MTNR1A: variants seen among roughly 807,000 people sequenced by gnomAD.
MTNR1A encodes melatonin receptor type 1A.
MTNR1A carries 7 observed loss-of-function variants against 5.5 expected under a neutral mutation model. That is an observed-to-expected ratio of 1.28 (90% CI 0.73 to 2.40). The LOEUF (loss-of-function observed/expected upper bound fraction) is 2.40. Among genes scored for constraint, MTNR1A ranks in the 30% most tolerant of loss-of-function variants. The pLI, the probability that MTNR1A is intolerant of heterozygous loss-of-function variation, is 0.00. For missense variants in MTNR1A, 441 were observed against 464.4 expected, an observed-to-expected ratio of 0.95 and a Z score of 0.46; for synonymous variants, 196 against 202.7, an observed-to-expected ratio of 0.97 and a Z score of 0.28.
At chr4:186,554,695 A>G (rs1234045823) in intron 1 of MTNR1A, among the ~76,000 whole-genome samples, 2 of 152,192 alleles carry the variant, frequency 1.3e-5, no homozygotes, top group Non-Finnish European at 2.9e-5. Flanking sequence ...CACGTTTGGG[A>G]GCCTCTCTTT....
intron 1 of MTNR1A, among the ~76,000 whole-genome samples, chr4:186,545,747 G>C (rs561514798): frequency 1.3e-5 from 2 of 152,040 alleles, no homozygotes; most frequent in African/African-American, 4.8e-5. Context: ...GCATCACGAA[G>C]ACCAGTAATA....
rs1196616883 is a variant in MTNR1A, at chr4:186,534,677, G to A, written c.185-120C>T. On this transcript the variant is annotated intron_variant, in intron 1 of 1. Coordinates refer to ENST00000307161, the MANE Select transcript of MTNR1A (RefSeq NM_005958.4). ...ATGACCTGACGTCACAGCGGCGGCC[G>A]CACTGCAAATGAAGTGGAGGCCGTT... 4.9e-6 allele frequency: 6 copies of A among 1,234,792 alleles called. No homozygotes were observed. The East Asian group carries it at 1.2e-4, about 25-fold the overall frequency. The allele number at this position is 1,234,792 out of a possible 1,614,324, so 76.5% of individuals were successfully genotyped here. A position where few individuals can be genotyped will look rare whatever the true frequency, so the allele number is the denominator to read the frequency against.
intron 1 of MTNR1A, among the ~76,000 whole-genome samples, chr4:186,548,810 GATATATATATATATATATAT>G (rs71595106): frequency 1.3e-4 from 7 of 54,592 alleles, no homozygotes; most frequent in Non-Finnish European, 2.0e-4. Context: ...AATCTATAAA[GATATATATATATATATATAT>G]ATATATATAT....
chr4:186,543,953 A>G (rs62350391), intron 1 of MTNR1A, among the ~76,000 whole-genome samples: 3,495 of 152,284 alleles, frequency 0.023, 55 homozygotes, highest in East Asian at 0.063. Context: ...GGATAGCCTC[A>G]CCCACAAAAG....
chr4:186,551,478 G>C (rs750576992), intron 1 of MTNR1A, among the ~76,000 whole-genome samples: 1 of 151,772 alleles, frequency 6.6e-6, no homozygotes, highest in African/African-American at 2.4e-5. Context: ...CACCAGATGC[G>C]TACTAGCATT....
chr4:186,548,810 G>GATATATATATATATATATAT (rs71595106), intron 1 of MTNR1A, among the ~76,000 whole-genome samples: 1 of 54,592 alleles, frequency 1.8e-5, no homozygotes, highest in African/African-American at 6.4e-5. Flanking sequence ...AATCTATAAA[G>GATATATATATATATATATAT]ATATATATAT....
intron 1 of MTNR1A, among the ~76,000 whole-genome samples, chr4:186,539,461 T>C (rs1036925016): frequency 4.6e-5 from 7 of 152,186 alleles, no homozygotes; most frequent in African/African-American, 1.7e-4. Flanking sequence ...GGTCTAAATG[T>C]GTCTCCCCCA....
At chr4:186,550,665 C>A (rs1270656890) in intron 1 of MTNR1A, among the ~76,000 whole-genome samples, 1 of 152,006 alleles carries the variant, frequency 6.6e-6, no homozygotes, top group Non-Finnish European at 1.5e-5. Context: ...CCCAAAATTG[C>A]CAAGAGAAAA....
At chr4:186,551,022 T>C (rs756671021) in intron 1 of MTNR1A, among the ~76,000 whole-genome samples, 12 of 152,218 alleles carry the variant, frequency 7.9e-5, no homozygotes, top group Non-Finnish European at 1.3e-4. Flanking sequence ...TTTCAAATAT[T>C]GTGGAAAGCA....
chr4:186,540,650 G>T (rs1736994433), intron 1 of MTNR1A, among the ~76,000 whole-genome samples: 1 of 152,058 alleles, frequency 6.6e-6, no homozygotes, highest in Non-Finnish European at 1.5e-5. Context: ...ACCAGGTGCT[G>T]TCTGTCTGAA....
intron 1 of MTNR1A, among the ~76,000 whole-genome samples, chr4:186,540,434 G>C (rs1285972204): frequency 1.3e-5 from 2 of 152,252 alleles, no homozygotes; most frequent in Non-Finnish European, 2.9e-5. Flanking sequence ...TTAATAGGAA[G>C]GCTGTAAGGA....
chr4:186,538,009 T>C (rs1389215179), intron 1 of MTNR1A, among the ~76,000 whole-genome samples: 1 of 152,236 alleles, frequency 6.6e-6, no homozygotes, highest in Non-Finnish European at 1.5e-5. Context: ...AAGTGAAATA[T>C]GGCACAGATA....
Position 186,555,398 on chromosome 4 carries a change from C to T in MTNR1A, c.-33G>A. 1.5e-6 allele frequency: 2 copies of T among 1,364,318 alleles called. No individual in the cohort carries two copies. The highest frequency in any genetic ancestry group is 3.5e-5 in the Admixed American group (1 of 28,482). 84.5% of individuals were successfully genotyped at this position (1,364,318 alleles called of 1,614,324 possible). A position where few individuals can be genotyped will look rare whatever the true frequency, so the allele number is the denominator to read the frequency against. On this transcript the variant is annotated 5_prime_UTR_variant, in exon 1 of 2. Coordinates refer to ENST00000307161, the MANE Select transcript of MTNR1A (RefSeq NM_005958.4). This position sits in a 1 kb window ranked among gnomAD's most constrained non-coding sequence, Gnocchi z 4.1. ...GTGCGCGTCCCGGCCGCGGGGCCAT[C>T]GCCCGCCTCGTCCGCCCGCCCGACC...
chr4:186,538,782 C>G (rs1736937602), intron 1 of MTNR1A, among the ~76,000 whole-genome samples: 1 of 152,170 alleles, frequency 6.6e-6, no homozygotes, highest in East Asian at 1.9e-4. Context: ...CCAAGGAGAA[C>G]CTTCAGGATG....
intron 1 of MTNR1A, among the ~76,000 whole-genome samples, chr4:186,537,663 C>A (rs1736891669): frequency 6.6e-6 from 1 of 152,162 alleles, no homozygotes; most frequent in Non-Finnish European, 1.5e-5. Flanking sequence ...TGGATGAAGT[C>A]GTACGACTAC....
chr4:186,542,239 A>G (rs114662309), intron 1 of MTNR1A, among the ~76,000 whole-genome samples: 6 of 152,288 alleles, frequency 3.9e-5, no homozygotes, highest in African/African-American at 1.4e-4. Flanking sequence ...TACCACTTCC[A>G]TCATCAAAGG....
Position 186,555,424 on chromosome 4 carries a change from A to T in MTNR1A, c.-59T>A. On this transcript the variant is annotated 5_prime_UTR_variant, in exon 1 of 2. Transcript: ENST00000307161. This position sits in a 1 kb window ranked among gnomAD's most constrained non-coding sequence, Gnocchi z 4.1. ...GCCCGCCTCGTCCGCCCGCCCGACC[A>T]CTTGTTAAGGCTCCGCCCGGCGCTC... 1 of 1,307,784 alleles carries T rather than the reference A, an allele frequency of 7.6e-7. No homozygotes were observed. Among genetic ancestry groups the T allele is most frequent in the East Asian group, 3.3e-5 (1 of 30,340 alleles). 81.0% of individuals were successfully genotyped at this position (1,307,784 alleles called of 1,614,324 possible). A position where few individuals can be genotyped will look rare whatever the true frequency, so the allele number is the denominator to read the frequency against.
chr4:186,547,346 C>T (rs952390366), intron 1 of MTNR1A, among the ~76,000 whole-genome samples: 2 of 120,538 alleles, frequency 1.7e-5, no homozygotes, highest in African/African-American at 6.5e-5. Context: ...CACCGTCCTC[C>T]TCACACCCTG....
At position 186,533,658 on chromosome 4, in the gene MTNR1A, G is replaced by T. The variant is rs112857512; in HGVS notation, c.*31C>A. ...TGTCAAGAGCGAGGCCTTGCGCAGC[G>T]TGTCCATCTCACCCGGAACGTGGTG... On this transcript the variant is annotated 3_prime_UTR_variant, in exon 2 of 2. Coordinates refer to ENST00000307161, the MANE Select transcript of MTNR1A (RefSeq NM_005958.4). 6.2e-7 allele frequency: 1 copy of T among 1,612,860 alleles called. No individual in the cohort carries two copies. Among genetic ancestry groups the T allele is most frequent in the South Asian group, 1.1e-5 (1 of 90,996 alleles).
Sources: gnomAD v4.1 joint callset for allele counts (sites outside exome capture counted in the v4.1 genomes callset) on GRCh38, gnomAD v4.1.1 for gene constraint, Gnocchi (gnomAD v3.1) non-coding constraint, MANE v1.5 for transcripts, NCBI Gene and HGNC (gene_info 2026-07-23, HGNC 2026-07-21) for gene names.